PPFIA2: variants seen among roughly 807,000 people sequenced by gnomAD.
PPFIA2 encodes the protein liprin-alpha-2.
In PPFIA2, 46 loss-of-function variants were observed where a neutral mutation model predicts 175.5. That is an observed-to-expected ratio of 0.26 (90% CI 0.21 to 0.34). PPFIA2 has a LOEUF of 0.34. Among genes scored for constraint, PPFIA2 ranks in the 10% least tolerant of loss-of-function variants. The pLI is 1.00. For missense variants in PPFIA2, 1,179 were observed against 1,506.1 expected, an observed-to-expected ratio of 0.78 and a Z score of 3.60; for synonymous variants, 568 against 511.4, an observed-to-expected ratio of 1.11 and a Z score of -1.49.
At chr12:81,316,050 T>A (rs2052272405) in intron 22 of PPFIA2, among the ~76,000 whole-genome samples, 1 of 151,730 alleles carries the variant, frequency 6.6e-6, no homozygotes, top group South Asian at 2.1e-4. Context: ...TTATGGAGAA[T>A]CTGAACCAAA....
intron 4 of PPFIA2, among the ~76,000 whole-genome samples, chr12:81,579,441 G>A (rs771995175): frequency 2.6e-5 from 4 of 151,716 alleles, no homozygotes; most frequent in Non-Finnish European, 4.4e-5. Flanking sequence ...AGGAAGAGAC[G>A]AATATCATTC....
At chr12:81,307,231 C>T (rs1424882814) in intron 22 of PPFIA2, among the ~76,000 whole-genome samples, 4 of 152,152 alleles carry the variant, frequency 2.6e-5, no homozygotes, top group Non-Finnish European at 5.9e-5. Flanking sequence ...CTGGTTACCA[C>T]CATGTGCCCG....
chr12:81,701,375 G>A (rs1027736580), intron 3 of PPFIA2, among the ~76,000 whole-genome samples: 2 of 152,078 alleles, frequency 1.3e-5, no homozygotes, highest in African/African-American at 4.8e-5. Flanking sequence ...AGAGAGTTAT[G>A]AGGGTACCAT....
At chr12:81,562,619 G>A (rs12424207) in intron 4 of PPFIA2, among the ~76,000 whole-genome samples, 18,230 of 151,266 alleles carry the variant, frequency 0.12, 1,205 homozygotes, top group Middle Eastern at 0.13. Context: ...AGGCCGAGGC[G>A]GGCGGATCAC....
chr12:81,369,541 A>T (rs772693034), intron 11 of PPFIA2: 11 of 715,838 alleles, frequency 1.5e-5, no homozygotes, highest in Non-Finnish European at 2.0e-5. Flanking sequence ...AATAAATAAA[A>T]GTAACATAAT....
At chr12:81,705,562 A>T (rs1456172964) in intron 3 of PPFIA2, among the ~76,000 whole-genome samples, 1 of 152,156 alleles carries the variant, frequency 6.6e-6, no homozygotes, top group East Asian at 1.9e-4. Flanking sequence ...TAATCCTATG[A>T]ACCTCAAATC....
chr12:81,431,354 C>A (rs1027001668), intron 7 of PPFIA2: 2 of 151,954 alleles, frequency 1.3e-5, no homozygotes, highest in Non-Finnish European at 2.9e-5. Context: ...CAATTTTAAG[C>A]AATAACAATA....
chr12:81,589,237 T>C (rs1017082386), intron 4 of PPFIA2, among the ~76,000 whole-genome samples: 2 of 152,078 alleles, frequency 1.3e-5, no homozygotes, highest in Non-Finnish European at 2.9e-5. Context: ...TAGAGACTTC[T>C]GCAAATGGAA....
intron 8 of PPFIA2, among the ~76,000 whole-genome samples, chr12:81,388,676 A>G (rs2039488459): frequency 6.6e-6 from 1 of 152,104 alleles, no homozygotes; most frequent in South Asian, 2.1e-4. Context: ...AAGCCTATAA[A>G]AACCTTGAAA....
chr12:81,731,997 T>C (rs1367040854), intron 3 of PPFIA2, among the ~76,000 whole-genome samples: 1 of 151,488 alleles, frequency 6.6e-6, no homozygotes, highest in East Asian at 1.9e-4. Context: ...AAGATGAAAG[T>C]TAATTCTTCA....
At chr12:81,322,908 G>A (rs2139676814) in intron 22 of PPFIA2, among the ~76,000 whole-genome samples, 1 of 152,184 alleles carries the variant, frequency 6.6e-6, no homozygotes, top group East Asian at 1.9e-4. Context: ...GCCTGGATCA[G>A]AAAACAAAGA....
chr12:81,755,533 C>T (rs1346218571), intron 2 of PPFIA2, among the ~76,000 whole-genome samples: 2 of 152,140 alleles, frequency 1.3e-5, no homozygotes, highest in Non-Finnish European at 2.9e-5. Context: ...CAAGATTTAA[C>T]AGCTCAATAT....
intron 3 of PPFIA2, among the ~76,000 whole-genome samples, chr12:81,687,931 A>AG: frequency 6.6e-6 from 1 of 152,146 alleles, no homozygotes; most frequent in African/African-American, 2.4e-5. Flanking sequence ...GATATATGTT[A>AG]AAACAGATAA....
rs71098139 is a variant in PPFIA2, at chr12:81,380,962, C to CTGTG, written c.984+3057_984+3060dup. Among the ~76,000 whole-genome samples, 1,263 of 137,530 alleles carry CTGTG rather than the reference C, an allele frequency of 9.2e-3. 7 individuals carry two copies. Among genetic ancestry groups the CTGTG allele is most frequent in the African/African-American group, 0.019 (696 of 36,534 alleles). The allele number at this position is 137,530 out of a possible 152,430, so 90.2% of individuals were successfully genotyped here. On this transcript the variant is annotated intron_variant, in intron 9 of 32. Transcript: ENST00000549396. ...ATTCGTTTATTTAGCTTTCACAGTG[C>CTGTG]TGTGTGTGTGTGTGTGTGTGTGTGT...
chr12:81,754,061 T>C lies in PPFIA2; in HGVS notation c.161A>G (p.Glu54Gly). Residue 54 changes from glutamate (E) to glycine (G), a missense_variant, in exon 3 of 33, where the codon GAA becomes GGA. By Grantham distance (98) the Glu-to-Gly change is moderately conservative. Around this residue, in one of 10 missense-constraint regions of PPFIA2, gnomAD observed 128 missense variants for 141.4 expected, o/e 0.91. Transcript: ENST00000549396. ...RLLDTLRETQ[E>G]SLSLAQQRLQ... is the part of the protein sequence containing the mutation. Reference sequence around the variant, plus strand: ...TCTTTGCTGGGCAAGTGAGAGGCTTTCCTGGGTCTCCCGAAGGGTGTCTAG... The same window carrying C: ...TCTTTGCTGGGCAAGTGAGAGGCTTCCCTGGGTCTCCCGAAGGGTGTCTAG... The C allele has an allele frequency of 8.7e-6, 14 of 1,613,864 alleles. No homozygotes were observed. Among genetic ancestry groups the C allele is most frequent in the Non-Finnish European group, 1.2e-5 (14 of 1,179,860 alleles).
intron 3 of PPFIA2, among the ~76,000 whole-genome samples, chr12:81,717,132 A>T (rs1213139919): frequency 1.3e-5 from 2 of 151,708 alleles, no homozygotes; most frequent in African/African-American, 4.8e-5. Context: ...TAGGCTACAT[A>T]CTCTCTGTTG....
chr12:81,269,516 T>A (rs544283069), intron 28 of PPFIA2, among the ~76,000 whole-genome samples: 1 of 152,320 alleles, frequency 6.6e-6, no homozygotes, highest in East Asian at 1.9e-4. Context: ...AAATCCTTAT[T>A]TATCTTATTT....
chr12:81,332,442 T>G (rs922141933), intron 21 of PPFIA2, among the ~76,000 whole-genome samples: 2 of 152,140 alleles, frequency 1.3e-5, no homozygotes, highest in African/African-American at 2.4e-5. Flanking sequence ...CTTTACACCT[T>G]TTCAAATACG....
intron 15 of PPFIA2, among the ~76,000 whole-genome samples, chr12:81,362,398 TG>T (rs1186618208): frequency 2.0e-5 from 3 of 151,354 alleles, no homozygotes; most frequent in South Asian, 2.1e-4. Context: ...GCAATCTCCC[TG>T]TACACAGTTC....
Sources: gnomAD v4.1 joint callset for allele counts (sites outside exome capture counted in the v4.1 genomes callset) on GRCh38, gnomAD v4.1.1 for gene constraint, gnomAD v4.1.1 regional missense constraint, MANE v1.5 for transcripts, NCBI Gene and HGNC (gene_info 2026-07-23, HGNC 2026-07-21) for gene names.